Variants in NRG3 observed in about 807,000 individuals in gnomAD.
NRG3 encodes pro-neuregulin-3, membrane-bound isoform.
Under a neutral mutation model 66.9 loss-of-function variants are expected in NRG3, and 31 were observed. The observed-to-expected ratio is 0.46, with a 90% CI of 0.35 to 0.63. The LOEUF is 0.63. Among genes scored for constraint, NRG3 ranks in the 20% least tolerant of loss-of-function variants. The probability of loss-of-function intolerance (pLI) is 0.00; values close to 1 mark genes in which losing one functional copy is unlikely to be tolerated. For missense variants in NRG3, 910 were observed against 878.9 expected, an observed-to-expected ratio of 1.04 and a Z score of -0.45; for synonymous variants, 393 against 359.4, an observed-to-expected ratio of 1.09 and a Z score of -1.06.
intron 2 of NRG3, among the ~76,000 whole-genome samples, chr10:82,624,201 T>C (rs1457733887): frequency 1.3e-5 from 2 of 152,200 alleles, no homozygotes; most frequent in African/African-American, 2.4e-5. Flanking sequence ...ATATGTGTAT[T>C]ATTTCTTTGC....
intron 4 of NRG3, among the ~76,000 whole-genome samples, chr10:82,899,013 A>G (rs1416342517): frequency 6.6e-6 from 1 of 152,008 alleles, no homozygotes; most frequent in Non-Finnish European, 1.5e-5. Flanking sequence ...TCTGGCCAGG[A>G]GTTTTTATTT....
At chr10:82,029,294 C>A (rs2132858904) in intron 1 of NRG3, among the ~76,000 whole-genome samples, 1 of 152,242 alleles carries the variant, frequency 6.6e-6, no homozygotes, top group South Asian at 2.1e-4. Flanking sequence ...GTTAACTTTT[C>A]TCTGAAGAAG....
chr10:82,590,868 C>G (rs1166708201), intron 2 of NRG3, among the ~76,000 whole-genome samples: 2 of 152,170 alleles, frequency 1.3e-5, no homozygotes, highest in Non-Finnish European at 2.9e-5. Flanking sequence ...GAGGTTCCAT[C>G]CATGTAGGGG....
At chr10:82,608,533 C>G (rs967091376) in intron 2 of NRG3, among the ~76,000 whole-genome samples, 1 of 152,068 alleles carries the variant, frequency 6.6e-6, no homozygotes, top group Non-Finnish European at 1.5e-5. Context: ...TCCTGCTATA[C>G]GAAATCCCTA....
At chr10:82,336,468 T>A (rs2082391585) in intron 1 of NRG3, among the ~76,000 whole-genome samples, 1 of 152,112 alleles carries the variant, frequency 6.6e-6, no homozygotes, top group South Asian at 2.1e-4. Context: ...AATTCCGAAT[T>A]TTCTCAGCAA....
chr10:81,880,846 G>A lies in NRG3; in HGVS notation c.823+4683G>A, dbSNP rs564581021. ...TCTAGCTGTTTTTATCTTTAGACTC[G>A]TGTGTTGGGTAAGGACAGAGCTGGT... On this transcript the variant is annotated intron_variant, in intron 1 of 8. Transcript: ENST00000372141. Among the ~76,000 whole-genome samples, 13 of 152,192 alleles carry A rather than the reference G, an allele frequency of 8.5e-5. 1 individual carries two copies. The highest frequency in any genetic ancestry group is 2.9e-4 in the African/African-American group (12 of 41,526).
intron 2 of NRG3, among the ~76,000 whole-genome samples, chr10:82,706,881 C>T (rs1202128206): frequency 6.6e-6 from 1 of 151,734 alleles, no homozygotes; most frequent in Non-Finnish European, 1.5e-5. Flanking sequence ...TTAATCCCAG[C>T]TACTTGGGAG....
chr10:82,733,555 A>C (rs2058021636), intron 2 of NRG3, among the ~76,000 whole-genome samples: 1 of 152,208 alleles, frequency 6.6e-6, no homozygotes, highest in Non-Finnish European at 1.5e-5. Flanking sequence ...TATGTAGATA[A>C]TCAAGTCCCT....
intron 1 of NRG3, among the ~76,000 whole-genome samples, chr10:82,045,066 C>T (rs2063216397): frequency 6.7e-6 from 1 of 150,092 alleles, no homozygotes; most frequent in South Asian, 2.2e-4. Context: ...ATTTATAGTC[C>T]TTTGGGTATA....
chr10:82,255,234 C>A (rs1011023755), intron 1 of NRG3, among the ~76,000 whole-genome samples: 2 of 152,106 alleles, frequency 1.3e-5, no homozygotes, highest in Admixed American at 6.5e-5. Flanking sequence ...AATACCTGAA[C>A]CAGAACTCTT....
At chr10:82,359,024 C>A (rs1589841245) in intron 2 of NRG3, among the ~76,000 whole-genome samples, 156 bp downstream of exon 2, 1 of 152,316 alleles carries the variant, frequency 6.6e-6, no homozygotes, top group Non-Finnish European at 1.5e-5. Context: ...AAGGGCAAGG[C>A]TGCTGCCTCT....
At chr10:82,847,996 G>A (rs1391421717) in intron 3 of NRG3, among the ~76,000 whole-genome samples, 2 of 152,084 alleles carry the variant, frequency 1.3e-5, no homozygotes, top group Non-Finnish European at 2.9e-5. Flanking sequence ...AGAGAAAAAA[G>A]CATGACAGTA....
At chr10:82,961,536 T>A (rs999327922) in intron 6 of NRG3, among the ~76,000 whole-genome samples, 1 of 152,114 alleles carries the variant, frequency 6.6e-6, no homozygotes, top group African/African-American at 2.4e-5. Flanking sequence ...TCCTTATAAC[T>A]CAGTGGTTCT....
At chr10:82,516,239 C>T (rs894346317) in intron 2 of NRG3, among the ~76,000 whole-genome samples, 11 of 152,004 alleles carry the variant, frequency 7.2e-5, no homozygotes, top group Non-Finnish European at 1.5e-4. Context: ...TTGTCTATGA[C>T]ATTCTCACTC....
At chr10:81,973,521 A>G in intron 1 of NRG3, among the ~76,000 whole-genome samples, 1 of 152,176 alleles carries the variant, frequency 6.6e-6, no homozygotes, top group East Asian at 1.9e-4. Context: ...TTACACTCCT[A>G]CCAACAGTGT....
intron 1 of NRG3, among the ~76,000 whole-genome samples, chr10:82,343,906 T>A (rs1434643089): frequency 6.6e-6 from 1 of 152,128 alleles, no homozygotes; most frequent in African/African-American, 2.4e-5. Context: ...ACCGTACAGA[T>A]TTATTCTGAT....
chr10:82,519,578 T>C (rs1308735807), intron 2 of NRG3, among the ~76,000 whole-genome samples: 1 of 152,214 alleles, frequency 6.6e-6, no homozygotes, highest in Admixed American at 6.5e-5. Context: ...GTTTATGTCC[T>C]CAGTACCCAG....
At chr10:82,268,553 T>C (rs2078425995) in intron 1 of NRG3, among the ~76,000 whole-genome samples, 1 of 152,148 alleles carries the variant, frequency 6.6e-6, no homozygotes, top group Non-Finnish European at 1.5e-5. Flanking sequence ...CTCTTTCTTA[T>C]ATATTTTTTA....
At chr10:82,523,081 T>C (rs1299960704) in intron 2 of NRG3, among the ~76,000 whole-genome samples, 1 of 152,234 alleles carries the variant, frequency 6.6e-6, no homozygotes, top group Non-Finnish European at 1.5e-5. Context: ...TTAATTTCTG[T>C]TATAGCATGT....
Sources: gnomAD v4.1 joint callset for allele counts (sites outside exome capture counted in the v4.1 genomes callset) on GRCh38, gnomAD v4.1.1 for gene constraint, MANE v1.5 for transcripts, NCBI Gene and HGNC (gene_info 2026-07-23, HGNC 2026-07-21) for gene names.